Variants in TGFB3 observed in about 807,000 individuals in gnomAD.
The protein encoded by TGFB3 is transforming growth factor beta-3 proprotein.
A neutral mutation model predicts 40.1 loss-of-function variants in TGFB3; 5 were observed. The observed-to-expected ratio is 0.12, with a 90% CI of 0.07 to 0.26. The LOEUF (loss-of-function observed/expected upper bound fraction) is 0.26, where lower values mean the gene tolerates loss of function less well. Ranked by LOEUF, TGFB3 falls within the 10% of genes least tolerant of loss-of-function variation. The pLI is 1.00. For synonymous variants in TGFB3, 184 were observed against 205.6 expected, an observed-to-expected ratio of 0.89 and a Z score of 0.90; for missense variants, 373 against 530.1, an observed-to-expected ratio of 0.70 and a Z score of 2.91.
chr14:75,980,943 G>A lies in TGFB3; in HGVS notation c.-50C>T. 2 of 1,562,340 alleles carry A rather than the reference G, an allele frequency of 1.3e-6. No individual in the cohort carries two copies. The highest frequency in any genetic ancestry group is 2.2e-5 in the South Asian group (2 of 89,954). ...GGGGACGGCAAGGCCTGGAGAGGAA[G>A]AGACCCCAGCAGACGTGCAGAAGGA... On this transcript the variant is annotated 5_prime_UTR_variant, in exon 1 of 7. Coordinates refer to ENST00000238682, the MANE Select transcript of TGFB3 (RefSeq NM_003239.5). The surrounding 1 kb of genome is among the most constrained non-coding windows in gnomAD (Gnocchi z 4.3).
Position 75,980,715 on chromosome 14 carries a change from G to A in TGFB3, c.179C>T (p.Thr60Met), listed in dbSNP as rs4252315. Residue 60 changes from threonine (T) to methionine (M), a missense_variant, in exon 1 of 7, where the codon ACG becomes ATG. Thr to Met is a moderately conservative substitution (Grantham distance 81, BLOSUM62 -1). Coordinates refer to ENST00000238682, the MANE Select transcript of TGFB3 (RefSeq NM_003239.5). The surrounding 1 kb of genome is among the most constrained non-coding windows in gnomAD (Gnocchi z 4.3). Reference sequence around the variant, plus strand: ...CTGATAGGGGACGTGGGTCATCACCGTTGGCTCAGGGGGGCTGGTGAGCCT... The same window carrying A: ...CTGATAGGGGACGTGGGTCATCACCATTGGCTCAGGGGGGCTGGTGAGCCT... Reference protein sequence around the residue: ...KLRLTSPPEPTVMTHVPYQVL... With the variant: ...KLRLTSPPEPMVMTHVPYQVL... The A allele has an allele frequency of 1.5e-4, 238 of 1,614,206 alleles. No individual in the cohort carries two copies. In the African/African-American group the frequency reaches 2.6e-3, roughly 17 times the overall value.
chr14:75,968,887 C>T (rs752649609), intron 3 of TGFB3, among the ~76,000 whole-genome samples: 18 of 152,108 alleles, frequency 1.2e-4, no homozygotes, highest in Non-Finnish European at 2.1e-4. Context: ...CCAGGCAGGT[C>T]ACGTAAGTGA....
chr14:75,963,094 C>A, intron 5 of TGFB3: 1 of 623,216 alleles, frequency 1.6e-6, no homozygotes, highest in Non-Finnish European at 2.8e-6. Flanking sequence ...TCAGCCAGCT[C>A]CTTCCAGAGT....
In TGFB3 at chr14:75,980,402, G is replaced by A. The variant is rs2035410271; in HGVS notation, c.352+140C>T. 2.2e-6 allele frequency: 2 copies of A among 893,356 alleles called. No individual in the cohort carries two copies. Among genetic ancestry groups the A allele is most frequent in the Non-Finnish European group, 1.8e-6 (1 of 546,474 alleles). The allele number at this position is 893,356 out of a possible 1,614,324, so 55.3% of individuals were successfully genotyped here. A position where few individuals can be genotyped will look rare whatever the true frequency, so the allele number is the denominator to read the frequency against. On this transcript the variant is annotated intron_variant, in intron 1 of 6. Coordinates refer to ENST00000238682, the MANE Select transcript of TGFB3 (RefSeq NM_003239.5). The surrounding 1 kb of genome is among the most constrained non-coding windows in gnomAD (Gnocchi z 4.3). ...CCACCTCCCCAGCCCCAACGGAGGA[G>A]CATCGCACATCCTGAGCCTTGGTGC... is the stretch of plus-strand genomic sequence containing the variant.
In TGFB3 at chr14:75,981,966, T is replaced by A. The variant is rs746379290; in HGVS notation, c.-1073A>T. ...CCTCTCGCTCCTCTCCCTCTCTCTC[T>A]CACACACACACACATGCACACACAC... On this transcript the variant is annotated 5_prime_UTR_variant, in exon 1 of 7. The change creates a premature stop within an existing upstream ORF in the 5' untranslated region. Coordinates refer to ENST00000238682, the MANE Select transcript of TGFB3 (RefSeq NM_003239.5). This position sits in a 1 kb window ranked among gnomAD's most constrained non-coding sequence, Gnocchi z 4.7. Among the ~76,000 whole-genome samples the A allele has an allele frequency of 4.8e-4, 73 of 150,622 alleles. No individual in the cohort carries two copies. In the Middle Eastern group the frequency reaches 0.01, roughly 21 times the overall value.
At chr14:75,968,944 C>T (rs1296155899) in intron 3 of TGFB3, among the ~76,000 whole-genome samples, 3 of 152,158 alleles carry the variant, frequency 2.0e-5, no homozygotes, top group Non-Finnish European at 2.9e-5. Flanking sequence ...GCCAGCCTCA[C>T]TCTTGGGGAA....
intron 3 of TGFB3, among the ~76,000 whole-genome samples, chr14:75,968,822 G>C (rs896250713): frequency 6.6e-6 from 1 of 152,166 alleles, no homozygotes; most frequent in Admixed American, 6.5e-5. Context: ...TCTCATTTAT[G>C]TGACTTGCCT....
chr14:75,958,928 C>T lies in TGFB3; in HGVS notation c.*259G>A. The T allele has an allele frequency of 2.1e-6, 1 of 487,786 alleles. No homozygotes were observed. Among genetic ancestry groups the T allele is most frequent in the Non-Finnish European group, 3.8e-6 (1 of 263,254 alleles). The allele number at this position is 487,786 out of a possible 1,614,324, so 30.2% of individuals were successfully genotyped here. A position where few individuals can be genotyped will look rare whatever the true frequency, so the allele number is the denominator to read the frequency against. ...TTTCCTCTATCCCCATCCCCTCTGT[C>T]TGCGTCACAGAAAGTCTGTGTGTTC... On this transcript the variant is annotated 3_prime_UTR_variant, in exon 7 of 7. Coordinates refer to ENST00000238682, the MANE Select transcript of TGFB3 (RefSeq NM_003239.5).
At chr14:75,967,828 C>T (rs1408576853) in intron 3 of TGFB3, among the ~76,000 whole-genome samples, 2 of 152,192 alleles carry the variant, frequency 1.3e-5, no homozygotes, top group African/African-American at 4.8e-5. Context: ...AGGATTCAAG[C>T]ACTGACAGCT....
upstream of TGFB3, chr14:75,982,741 C>T (rs1169086890): frequency 6.6e-6 from 1 of 152,302 alleles, no homozygotes; most frequent in Admixed American, 6.5e-5. The surrounding 1 kb of genome is among the most constrained non-coding windows in gnomAD (Gnocchi z 4.0). Flanking sequence ...AAAACAAGAC[C>T]CAGGCCCCGA....
intron 1 of TGFB3, among the ~76,000 whole-genome samples, chr14:75,972,428 A>C (rs2140246524): frequency 6.6e-6 from 1 of 152,342 alleles, no homozygotes; most frequent in East Asian, 1.9e-4. Context: ...GAGAAATAAT[A>C]GGACAGAGTG....
intron 4 of TGFB3, 91 bp from the exon 5 acceptor site, chr14:75,963,578 G>A: frequency 6.7e-7 from 1 of 1,497,258 alleles, no homozygotes; most frequent in Non-Finnish European, 9.3e-7. Context: ...CACTGCCCAG[G>A]AGGAGGGGCA....
chr14:75,980,789 G>A lies in TGFB3; in HGVS notation c.105C>T (p.Ile35=), dbSNP rs564552772. 3.1e-6 allele frequency: 5 copies of A among 1,614,132 alleles called. No individual in the cohort carries two copies. The Admixed American group carries it at 6.7e-5, about 22-fold the overall frequency. The change falls in exon 1 of 7, where the codon ATC becomes ATT. Residue 35 remains isoleucine (I), a synonymous_variant. Transcript: ENST00000238682. The surrounding 1 kb of genome is among the most constrained non-coding windows in gnomAD (Gnocchi z 4.3). ...STCTTLDFGH[I]KKKRVEAIRG... Reference sequence around the variant, plus strand: ...TAATGGCTTCCACCCTCTTCTTCTTGATGTGGCCGAAGTCCAAGGTGGTGC... The same window carrying A: ...TAATGGCTTCCACCCTCTTCTTCTTAATGTGGCCGAAGTCCAAGGTGGTGC...
rs3917173 is a variant in TGFB3, at chr14:75,972,781, T to C, written c.353-1063A>G. On this transcript the variant is annotated intron_variant, in intron 1 of 6. Transcript: ENST00000238682. The stretch of plus-strand genomic sequence containing the variant: ...TAACCCATTAACAGTAGGGAGTCAC[T>C]GAAAGTGTTTGAGCAGTGCAGTGAC... Among the ~76,000 whole-genome samples, 1,252 of 152,318 alleles carry C rather than the reference T, an allele frequency of 8.2e-3. 19 individuals are homozygous for C. The highest frequency in any genetic ancestry group is 0.028 in the African/African-American group (1,161 of 41,576).
Position 75,981,185 on chromosome 14 carries a change from G to A in TGFB3, c.-292C>T. On this transcript the variant is annotated 5_prime_UTR_variant, in exon 1 of 7. Transcript: ENST00000238682. This position sits in a 1 kb window ranked among gnomAD's most constrained non-coding sequence, Gnocchi z 4.7. ...TGACTCCCAGCAGGCCAGGTGGAGG[G>A]CAAGCAGAGGGCTGGGAGGGGTGGC... 1 of 458,612 alleles carries A rather than the reference G, an allele frequency of 2.2e-6. No individual in the cohort carries two copies. The highest frequency in any genetic ancestry group is 4.0e-6 in the Non-Finnish European group (1 of 247,736). 28.4% of individuals were successfully genotyped at this position (458,612 alleles called of 1,614,324 possible).
chr14:75,968,142 G>A (rs901072769), intron 3 of TGFB3, among the ~76,000 whole-genome samples: 4 of 152,214 alleles, frequency 2.6e-5, no homozygotes, highest in African/African-American at 9.7e-5. Flanking sequence ...GGTACCTGGT[G>A]CACAAGGGCT....
chr14:75,969,562 T>G (rs3917181), intron 3 of TGFB3, among the ~76,000 whole-genome samples: 2,263 of 152,290 alleles, frequency 0.015, 58 homozygotes, highest in African/African-American at 0.051. Context: ...TCAAATACAT[T>G]TGATCCTTAA....
rs3917190 is a variant in TGFB3 at position 75,965,449 on chromosome 14, T to C, written c.754+139A>G. Reference sequence around the variant, plus strand: ...TGCTTTTGGGGCAAAGCAGAATTACTCAAGTACAAAATAGTCGGCTATCTC... The same window carrying C: ...TGCTTTTGGGGCAAAGCAGAATTACCCAAGTACAAAATAGTCGGCTATCTC... On this transcript the variant is annotated intron_variant, in intron 4 of 6. Coordinates refer to ENST00000238682, the MANE Select transcript of TGFB3 (RefSeq NM_003239.5). The C allele has an allele frequency of 0.014, 10,456 of 737,230 alleles. 639 individuals are homozygous for C. The highest frequency in any genetic ancestry group is 0.14 in the African/African-American group (8,110 of 57,526). The allele number at this position is 737,230 out of a possible 1,614,324, so 45.7% of individuals were successfully genotyped here. A position where few individuals can be genotyped will look rare whatever the true frequency, so the allele number is the denominator to read the frequency against.
chr14:75,961,067 C>G lies in TGFB3; in HGVS notation c.936G>C (p.Glu312Asp), dbSNP rs2035151130. ...LDTNYCFRNL[E>D]ENCCVRPLYI... ...AGAGGGGGCGCACACAGCAGTTCTCCTCCAAGTTGCTACAACAAAAAACAT... is the reference window on the plus strand; with the variant it reads ...AGAGGGGGCGCACACAGCAGTTCTCGTCCAAGTTGCTACAACAAAAAACAT... The change falls in exon 6 of 7, where the codon GAG (glutamate) becomes GAC (aspartate). Residue 312 changes from glutamate (E) to aspartate (D), a missense_variant. Coordinates refer to ENST00000238682, the MANE Select transcript of TGFB3 (RefSeq NM_003239.5). 6.2e-7 allele frequency: 1 copy of G among 1,614,094 alleles called. No homozygotes were observed. The highest frequency in any genetic ancestry group is 8.5e-7 in the Non-Finnish European group (1 of 1,180,040).
Sources: gnomAD v4.1 joint callset for allele counts (sites outside exome capture counted in the v4.1 genomes callset) on GRCh38, gnomAD v4.1.1 for gene constraint, Gnocchi (gnomAD v3.1) non-coding constraint, MANE v1.5 for transcripts, NCBI Gene and HGNC (gene_info 2026-07-23, HGNC 2026-07-21) for gene names.